MACROD2: variants seen among roughly 807,000 people sequenced by gnomAD.
MACROD2 encodes mono-ADP ribosylhydrolase 2.
MACROD2 carries 36 observed loss-of-function variants against 70.4 expected under a neutral mutation model. That is an observed-to-expected ratio of 0.51 (90% CI 0.39 to 0.68). The LOEUF is 0.68. Among genes scored for constraint, MACROD2 ranks in the 30% least tolerant of loss-of-function variants. MACROD2 has a pLI of 0.00. For synonymous variants in MACROD2, 172 were observed against 178.8 expected (o/e 0.96, Z 0.30); for missense variants, 496 against 538.4 (o/e 0.92, Z 0.78).
chr20:15,209,524 C>T (rs1241642581), intron 5 of MACROD2, among the ~76,000 whole-genome samples: 1 of 152,146 alleles, frequency 6.6e-6, no homozygotes, highest in South Asian at 2.1e-4. Context: ...TCATCTTATT[C>T]TCTTTGTACA....
chr20:14,100,809 A>AATATAT (rs1186288720), intron 3 of MACROD2, among the ~76,000 whole-genome samples: 5,454 of 139,762 alleles, frequency 0.039, 115 homozygotes, highest in Non-Finnish European at 0.047. Flanking sequence ...TATGATATAT[A>AATATAT]ATCATATATC....
rs375361101 is a variant in MACROD2, at chr20:15,806,858, T to C, written c.646-55887T>C. ...CATGTGGATAAGGGGTTCTAAAAAA[T>C]TGAAAGGAGACGTTTAGGAAAATTT... On this transcript the variant is annotated intron_variant, in intron 8 of 17. Transcript: ENST00000684519. 6.6e-5 allele frequency among the ~76,000 whole-genome samples: 10 copies of C among 152,158 alleles called. No individual in the cohort carries two copies. In the South Asian group the frequency reaches 2.1e-3, roughly 32 times the overall value.
intron 15 of MACROD2, among the ~76,000 whole-genome samples, chr20:16,032,608 G>A (rs1419676104): frequency 6.7e-6 from 1 of 150,134 alleles, no homozygotes; most frequent in Non-Finnish European, 1.5e-5. Context: ...AGAGGAAGGA[G>A]GGAAGGAGGG....
intron 6 of MACROD2, among the ~76,000 whole-genome samples, chr20:15,261,279 T>G (rs1294495121): frequency 1.3e-5 from 2 of 152,008 alleles, no homozygotes; most frequent in Admixed American, 1.3e-4. Flanking sequence ...AATATTCTAT[T>G]GTCCATGTGA....
intron 5 of MACROD2, among the ~76,000 whole-genome samples, chr20:14,736,244 G>A (rs947376173): frequency 7.9e-5 from 12 of 152,126 alleles, no homozygotes; most frequent in Non-Finnish European, 5.9e-5. Context: ...GCCACAAATT[G>A]TGTTACTCCA....
chr20:14,840,122 C>G (rs1387837784), intron 5 of MACROD2, among the ~76,000 whole-genome samples: 1 of 151,384 alleles, frequency 6.6e-6, no homozygotes, highest in South Asian at 2.1e-4. Flanking sequence ...ACTGCAACCT[C>G]TGCCTCCCAG....
chr20:15,235,725 C>T (rs1463859691), intron 6 of MACROD2, among the ~76,000 whole-genome samples: 1 of 152,178 alleles, frequency 6.6e-6, no homozygotes, highest in Non-Finnish European at 1.5e-5. Context: ...GTTTCCATTA[C>T]AGGCCACATC....
At chr20:14,097,780 G>A (rs1470942325) in intron 3 of MACROD2, among the ~76,000 whole-genome samples, 1 of 152,124 alleles carries the variant, frequency 6.6e-6, no homozygotes, top group Non-Finnish European at 1.5e-5. Flanking sequence ...TGGGACCCAA[G>A]TCTAAACATG....
rs76014720 is a variant in MACROD2 at position 15,646,154 on chromosome 20, A to G, written c.645+146307A>G. 5.6e-3 allele frequency among the ~76,000 whole-genome samples: 847 copies of G among 152,180 alleles called. 8 individuals carry two copies. Among genetic ancestry groups the G allele is most frequent in the African/African-American group, 0.02 (823 of 41,508 alleles). Reference sequence around the variant, plus strand: ...CTATTATTATTTACTTCTTCCTTTCAACACACCCCTGAGGCAGTTCAAAGG... The same window carrying G: ...CTATTATTATTTACTTCTTCCTTTCGACACACCCCTGAGGCAGTTCAAAGG... On this transcript the variant is annotated intron_variant, in intron 8 of 17. Coordinates refer to ENST00000684519, the MANE Select transcript of MACROD2 (RefSeq NM_001351661.2).
At chr20:14,916,500 A>G (rs1460300370) in intron 5 of MACROD2, among the ~76,000 whole-genome samples, 3 of 152,212 alleles carry the variant, frequency 2.0e-5, no homozygotes, top group Non-Finnish European at 4.4e-5. Context: ...TGTGAAATAG[A>G]AATGATCATA....
rs931821660 is a variant in MACROD2 at position 13,995,959 on chromosome 20, A to G, written c.46+150A>G. On this transcript the variant is annotated intron_variant, in intron 1 of 17. Transcript: ENST00000684519. This position sits in a 1 kb window ranked among gnomAD's most constrained non-coding sequence, Gnocchi z 4.3. Reference sequence around the variant, plus strand: ...GCCTCCCTCCGGTGTCCGTGTGTACACACGCGCACACTCGCGCGCACTCCG... The same window carrying G: ...GCCTCCCTCCGGTGTCCGTGTGTACGCACGCGCACACTCGCGCGCACTCCG... 4.6e-6 allele frequency: 4 copies of G among 865,788 alleles called. No homozygotes were observed. The highest frequency in any genetic ancestry group is 7.1e-6 in the Non-Finnish European group (4 of 564,366). The allele number at this position is 865,788 out of a possible 1,614,324, so 53.6% of individuals were successfully genotyped here.
intron 15 of MACROD2, among the ~76,000 whole-genome samples, chr20:16,006,097 A>G (rs1391315740): frequency 6.6e-6 from 1 of 152,226 alleles, no homozygotes; most frequent in African/African-American, 2.4e-5. Flanking sequence ...CAGGAGAGCC[A>G]CTATTATTTA....
At chr20:15,985,032 G>A (rs1201025424) in intron 13 of MACROD2, among the ~76,000 whole-genome samples, 4 of 152,124 alleles carry the variant, frequency 2.6e-5, no homozygotes, top group Admixed American at 2.0e-4. Context: ...CAAGGGACCT[G>A]TCCAGGCTTC....
In MACROD2 at chr20:14,218,996, T is replaced by C. The variant is rs563255156; in HGVS notation, c.271+133268T>C. Among the ~76,000 whole-genome samples, 18 of 152,358 alleles carry C rather than the reference T, an allele frequency of 1.2e-4. No homozygotes were observed. In the South Asian group the frequency reaches 3.7e-3, roughly 32 times the overall value. Reference sequence around the variant, plus strand: ...TCCTTCACCTTAACATTGGATAACCTGATGACGAAGTGCCTAGGCAAAGAT... The same window carrying C: ...TCCTTCACCTTAACATTGGATAACCCGATGACGAAGTGCCTAGGCAAAGAT... On this transcript the variant is annotated intron_variant, in intron 3 of 17. Coordinates refer to ENST00000684519, the MANE Select transcript of MACROD2 (RefSeq NM_001351661.2).
intron 9 of MACROD2, among the ~76,000 whole-genome samples, chr20:15,873,740 C>G (rs183971206): frequency 6.6e-6 from 1 of 151,414 alleles, no homozygotes; most frequent in Non-Finnish European, 1.5e-5. Flanking sequence ...ACGAAAAGTC[C>G]GAAGGTTTAA....
At chr20:14,709,493 C>A (rs554276145) in intron 5 of MACROD2, among the ~76,000 whole-genome samples, 1 of 152,210 alleles carries the variant, frequency 6.6e-6, no homozygotes, top group South Asian at 2.1e-4. Flanking sequence ...CAGTATATAT[C>A]CTGATCCAAC....
chr20:15,863,617 G>T, intron 9 of MACROD2, among the ~76,000 whole-genome samples: 1 of 152,178 alleles, frequency 6.6e-6, no homozygotes, highest in Non-Finnish European at 1.5e-5. Flanking sequence ...AGCATTGTTG[G>T]TACTTGCCTT....
chr20:15,292,603 G>C (rs1387383762), intron 6 of MACROD2, among the ~76,000 whole-genome samples: 1 of 152,188 alleles, frequency 6.6e-6, no homozygotes, highest in African/African-American at 2.4e-5. Flanking sequence ...GTGGCTCAGA[G>C]TCGAAGTGCT....
intron 5 of MACROD2, among the ~76,000 whole-genome samples, chr20:15,197,552 C>T (rs1265175287): frequency 2.6e-5 from 4 of 152,172 alleles, no homozygotes; most frequent in Non-Finnish European, 5.9e-5. Context: ...AATCTCTGGC[C>T]TACAGCCAAA....
Sources: gnomAD v4.1 joint callset for allele counts (sites outside exome capture counted in the v4.1 genomes callset) on GRCh38, gnomAD v4.1.1 for gene constraint, Gnocchi (gnomAD v3.1) non-coding constraint, MANE v1.5 for transcripts, NCBI Gene and HGNC (gene_info 2026-07-23, HGNC 2026-07-21) for gene names.